The following SLC9D1 variants were observed in gnomAD, a reference collection of about 807,000 sequenced individuals.
The protein encoded by SLC9D1 is solute carrier family 9 member D1.
chr13:113,515,228 CTG>C, the SLC9D1 span, among the ~76,000 whole-genome samples: 1 of 152,182 alleles, frequency 6.6e-6, no homozygotes, highest in Non-Finnish European at 1.5e-5. Context: ...AATTAATCAA[CTG>C]AATATTCAGT....
chr13:113,541,223 ACG>A, the SLC9D1 span, among the ~76,000 whole-genome samples: 1 of 151,924 alleles, frequency 6.6e-6, no homozygotes, highest in African/African-American at 2.4e-5. Flanking sequence ...AGATTATGCC[ACG>A]CACACGATTG....
the SLC9D1 span, among the ~76,000 whole-genome samples, chr13:113,547,919 A>T: frequency 3.5e-4 from 35 of 100,026 alleles, no homozygotes; most frequent in African/African-American, 1.9e-3. Flanking sequence ...CCAAAGACAC[A>T]CCACCAGCTC....
the SLC9D1 span, among the ~76,000 whole-genome samples, chr13:113,521,577 CATT>C: frequency 4.6e-5 from 7 of 152,066 alleles, no homozygotes; most frequent in Non-Finnish European, 1.0e-4. Flanking sequence ...GGAGAGCTAT[CATT>C]GTGTGGTTGT....
At chr13:113,501,652 G>T in the SLC9D1 span, 1 of 899,790 alleles carries the variant, frequency 1.1e-6, no homozygotes, top group Non-Finnish European at 1.7e-6. Flanking sequence ...CCCATCAGGT[G>T]AAATCGGGGA....
At chr13:113,518,488 A>T in the SLC9D1 span, among the ~76,000 whole-genome samples, 2 of 152,240 alleles carry the variant, frequency 1.3e-5, no homozygotes, top group South Asian at 4.1e-4. Context: ...CAGTAATATC[A>T]TCAAAGGCTA....
the SLC9D1 span, among the ~76,000 whole-genome samples, chr13:113,522,232 C>T: frequency 6.6e-6 from 1 of 152,210 alleles, no homozygotes; most frequent in Admixed American, 6.5e-5. Context: ...GAGGAAATTC[C>T]CATCTATTCC....
chr13:113,523,467 AT>A, the SLC9D1 span, among the ~76,000 whole-genome samples: 2 of 152,042 alleles, frequency 1.3e-5, no homozygotes, highest in Non-Finnish European at 2.9e-5. Flanking sequence ...TTCCTTTATC[AT>A]TCTTTTGATG....
At chr13:113,524,151 T>A in the SLC9D1 span, 2 of 456,726 alleles carry the variant, frequency 4.4e-6, 1 homozygote, top group South Asian at 3.1e-5. Flanking sequence ...TTTCGTGTTC[T>A]TGCTGTAGTT....
the SLC9D1 span, among the ~76,000 whole-genome samples, chr13:113,508,715 C>G: frequency 3.3e-5 from 5 of 152,230 alleles, no homozygotes; most frequent in Non-Finnish European, 7.3e-5. Flanking sequence ...ACTGTGCTTC[C>G]CCTTTGGGGT....
the SLC9D1 span, among the ~76,000 whole-genome samples, chr13:113,518,769 T>G: frequency 6.6e-6 from 1 of 152,216 alleles, no homozygotes; most frequent in African/African-American, 2.4e-5. Context: ...TATCATCTCC[T>G]GAATCGTGTA....
the SLC9D1 span, chr13:113,495,965 C>CGTGAACATGAAG: frequency 7.4e-6 from 12 of 1,613,608 alleles, no homozygotes; most frequent in Non-Finnish European, 1.0e-5. Context: ...ACAAAGATGT[C>CGTGAACATGAAG]GTGAACATGA....
chr13:113,549,933 ATC>A, the SLC9D1 span: 14 of 463,404 alleles, frequency 3.0e-5, no homozygotes, highest in South Asian at 2.3e-4. Context: ...CAGAATTATA[ATC>A]TGTTAGTCAA....
chr13:113,497,977 ACATTC>A, the SLC9D1 span, among the ~76,000 whole-genome samples: 1 of 152,128 alleles, frequency 6.6e-6, no homozygotes, highest in South Asian at 2.1e-4. Flanking sequence ...TAGTAGCTCC[ACATTC>A]AGGTCTCACA....
the SLC9D1 span, among the ~76,000 whole-genome samples, chr13:113,509,439 C>T: frequency 3.1e-5 from 4 of 130,824 alleles, 1 homozygote; most frequent in South Asian, 4.7e-4. Flanking sequence ...GTGGGTCCCC[C>T]CTGGAGCTGC....
the SLC9D1 span, among the ~76,000 whole-genome samples, chr13:113,513,046 T>C: frequency 6.6e-6 from 1 of 151,998 alleles, no homozygotes; most frequent in African/African-American, 2.4e-5. Context: ...TAAGGGGAAA[T>C]AAGTCCACCC....
chr13:113,529,000 C>T, the SLC9D1 span: 13 of 152,060 alleles, frequency 8.5e-5, no homozygotes, highest in African/African-American at 2.7e-4. Flanking sequence ...ACTCTCCATA[C>T]GAAACAAGCA....
the SLC9D1 span, chr13:113,535,119 A>T: frequency 6.6e-6 from 1 of 152,290 alleles, no homozygotes; most frequent in African/African-American, 2.4e-5. The surrounding 1 kb of genome is among the most constrained non-coding windows in gnomAD (Gnocchi z 4.1). Context: ...AAGCGCCATA[A>T]ACACTAATAT....
the SLC9D1 span, chr13:113,530,398 C>T: frequency 4.0e-5 from 6 of 151,796 alleles, no homozygotes; most frequent in African/African-American, 9.7e-5. Flanking sequence ...AAAATATATA[C>T]GATATTTTAA....
chr13:113,527,717 G>C, the SLC9D1 span: 1 of 152,178 alleles, frequency 6.6e-6, no homozygotes, highest in Admixed American at 6.5e-5. Context: ...ATGTCTCTTG[G>C]CTAACAGGAA....
Sources: gnomAD v4.1 joint callset for allele counts (sites outside exome capture counted in the v4.1 genomes callset) on GRCh38, gnomAD v4.1.1 for gene constraint, Gnocchi (gnomAD v3.1) non-coding constraint, MANE v1.5 for transcripts, NCBI Gene and HGNC (gene_info 2026-07-23, HGNC 2026-07-21) for gene names.